Variants in PCBP3 observed in about 807,000 individuals in gnomAD.
PCBP3 encodes the protein poly(rC) binding protein 3.
Under a neutral mutation model 52.7 loss-of-function variants are expected in PCBP3, and 25 were observed. The ratio of observed to expected loss-of-function variants is 0.47; its 90% CI spans 0.35 to 0.66. The LOEUF is 0.66. PCBP3 is among the 30% of genes least tolerant of loss of function. The probability of loss-of-function intolerance (pLI) is 0.01; values close to 1 mark genes in which losing one functional copy is unlikely to be tolerated. For synonymous variants in PCBP3, 162 were observed against 183.0 expected (o/e 0.89, Z 0.93); for missense variants, 391 against 490.3 (o/e 0.80, Z 1.91).
intron 1 of PCBP3, among the ~76,000 whole-genome samples, chr21:45,655,609 C>G (rs771618805): frequency 3.3e-5 from 5 of 152,052 alleles, no homozygotes; most frequent in African/African-American, 4.8e-5. Flanking sequence ...CCCAAGACTT[C>G]ATGACTAAAA....
At chr21:45,863,919 C>T (rs892426328) in intron 5 of PCBP3, among the ~76,000 whole-genome samples, 2 of 152,146 alleles carry the variant, frequency 1.3e-5, no homozygotes, top group Non-Finnish European at 2.9e-5. Context: ...CGATGCGTTA[C>T]GATGAAAAAG....
At chr21:45,925,403 G>A (rs2075269330) in intron 13 of PCBP3, among the ~76,000 whole-genome samples, 1 of 152,170 alleles carries the variant, frequency 6.6e-6, no homozygotes, top group Non-Finnish European at 1.5e-5. Flanking sequence ...AAATAAAAAA[G>A]AAACTCTGGA....
intron 4 of PCBP3, among the ~76,000 whole-genome samples, chr21:45,832,906 A>G (rs1244415514): frequency 6.6e-6 from 1 of 152,182 alleles, no homozygotes; most frequent in Non-Finnish European, 1.5e-5. Context: ...GCGAAGGAGG[A>G]ACTTGCCAGA....
chr21:45,757,829 A>C (rs932446279), intron 4 of PCBP3, among the ~76,000 whole-genome samples: 1 of 152,074 alleles, frequency 6.6e-6, no homozygotes, highest in Non-Finnish European at 1.5e-5. Context: ...AAATCATTTC[A>C]CCATAGATGG....
intron 2 of PCBP3, among the ~76,000 whole-genome samples, chr21:45,672,057 T>C (rs1437602693): frequency 6.6e-6 from 1 of 152,192 alleles, no homozygotes; most frequent in Non-Finnish European, 1.5e-5. Flanking sequence ...TGAGGGCTGT[T>C]CCCTTATGAG....
intron 1 of PCBP3, among the ~76,000 whole-genome samples, chr21:45,654,119 A>G (rs1440191636): frequency 6.6e-6 from 1 of 152,062 alleles, no homozygotes; most frequent in African/African-American, 2.4e-5. Context: ...TATATTAACA[A>G]TATTGGTATT....
At position 45,862,292 on chromosome 21, in the gene PCBP3, C is replaced by T. The variant is rs73382504; in HGVS notation, c.10+12197C>T. On this transcript the variant is annotated intron_variant, in intron 5 of 17. Transcript: ENST00000681687. ...TTGTCAGTCACTGCAGATTTTTATG[C>T]ATCAGAATAAATGCATAAAAATGCA... Among the ~76,000 whole-genome samples the T allele has an allele frequency of 5.2e-3, 786 of 152,168 alleles. 8 individuals are homozygous for T. Among genetic ancestry groups the T allele is most frequent in the African/African-American group, 0.017 (704 of 41,486 alleles).
chr21:45,874,107 C>T (rs990346488), intron 5 of PCBP3, among the ~76,000 whole-genome samples: 2 of 152,200 alleles, frequency 1.3e-5, no homozygotes, highest in Admixed American at 6.5e-5. Context: ...GGATCACAGG[C>T]GTGAGCCACC....
intron 17 of PCBP3, among the ~76,000 whole-genome samples, chr21:45,940,980 C>T (rs2077406858): frequency 6.6e-6 from 1 of 152,202 alleles, no homozygotes; most frequent in Admixed American, 6.5e-5. Context: ...GTGGACACAG[C>T]CCTGCGTGGG....
intron 5 of PCBP3, among the ~76,000 whole-genome samples, chr21:45,866,512 G>A (rs1485009744): frequency 6.6e-6 from 1 of 152,228 alleles, no homozygotes; most frequent in Non-Finnish European, 1.5e-5. Context: ...CAGAGGCTGG[G>A]TGGGAGGGAC....
chr21:45,856,120 G>A (rs1411594224), intron 5 of PCBP3, among the ~76,000 whole-genome samples: 1 of 152,218 alleles, frequency 6.6e-6, no homozygotes, highest in African/African-American at 2.4e-5. Flanking sequence ...TAAAGAACCT[G>A]TATTAACATA....
At chr21:45,894,936 A>T (rs530447396) in intron 5 of PCBP3, among the ~76,000 whole-genome samples, 1 of 152,378 alleles carries the variant, frequency 6.6e-6, no homozygotes, top group South Asian at 2.1e-4. Context: ...ACTATTACAG[A>T]TAACAATTTG....
chr21:45,648,849 C>A (rs924276538), intron 1 of PCBP3, among the ~76,000 whole-genome samples: 1 of 152,076 alleles, frequency 6.6e-6, no homozygotes, highest in Non-Finnish European at 1.5e-5. Context: ...CTTTTTATAG[C>A]TTTTTAGAAG....
intron 4 of PCBP3, among the ~76,000 whole-genome samples, chr21:45,847,636 A>G (rs778799339): frequency 6.6e-6 from 1 of 152,226 alleles, no homozygotes; most frequent in East Asian, 1.9e-4. Context: ...TGAGTTTATG[A>G]AAATAATTGC....
intron 4 of PCBP3, among the ~76,000 whole-genome samples, chr21:45,782,505 C>G (rs1040053767): frequency 3.9e-5 from 6 of 152,174 alleles, no homozygotes; most frequent in Non-Finnish European, 8.8e-5. Context: ...TGAAGCACAA[C>G]AGAAAAAAGG....
intron 1 of PCBP3, among the ~76,000 whole-genome samples, chr21:45,660,149 ATATATATATG>A (rs1472975341): frequency 2.0e-5 from 3 of 151,592 alleles, no homozygotes; most frequent in African/African-American, 2.4e-5. Context: ...ACACACACAC[ATATATATATG>A]TATATATATG....
At chr21:45,757,015 A>G (rs2088120078) in intron 4 of PCBP3, among the ~76,000 whole-genome samples, 2 of 152,220 alleles carry the variant, frequency 1.3e-5, no homozygotes, top group South Asian at 4.1e-4. Flanking sequence ...TTATATGGAC[A>G]TATATTTTAA....
chr21:45,689,464 G>A (rs991931463), intron 2 of PCBP3, among the ~76,000 whole-genome samples: 14 of 152,052 alleles, frequency 9.2e-5, no homozygotes, highest in Middle Eastern at 3.4e-3. Flanking sequence ...ATGAAAATCC[G>A]ACAATTAACA....
chr21:45,667,075 G>T (rs1603208105), intron 1 of PCBP3, among the ~76,000 whole-genome samples: 1 of 147,668 alleles, frequency 6.8e-6, no homozygotes, highest in African/African-American at 2.5e-5. Context: ...GCATCTGTTT[G>T]TTCTTTCTTT....
Sources: allele counts gnomAD v4.1 joint callset (sites outside exome capture counted in the v4.1 genomes callset), GRCh38; gene constraint gnomAD v4.1.1; transcripts MANE v1.5; gene names NCBI Gene and HGNC (gene_info 2026-07-23, HGNC 2026-07-21).